Variants in OSBPL10 observed in about 807,000 individuals in gnomAD.
OSBPL10 encodes oxysterol-binding protein-related protein 10.
In OSBPL10, 49 loss-of-function variants were observed where a neutral mutation model predicts 81.7. That is an observed-to-expected ratio of 0.60 (90% CI 0.48 to 0.76). OSBPL10 has a LOEUF of 0.76. Among genes scored for constraint, OSBPL10 ranks in the 30% least tolerant of loss-of-function variants. The pLI, the probability that OSBPL10 is intolerant of heterozygous loss-of-function variation, is 0.00. For synonymous variants in OSBPL10, 419 were observed against 383.6 expected (o/e 1.09, Z -1.08); for missense variants, 923 against 987.8 (o/e 0.93, Z 0.88).
At chr3:32,042,881 C>G (rs370597618) in intron 2 of OSBPL10, among the ~76,000 whole-genome samples, 1 of 151,966 alleles carries the variant, frequency 6.6e-6, no homozygotes, top group East Asian at 1.9e-4. Context: ...GTCCAAAGAT[C>G]ACAAGGCAAA....
intron 1 of OSBPL10, among the ~76,000 whole-genome samples, chr3:32,053,099 G>A (rs370628092): frequency 6.6e-6 from 1 of 152,178 alleles, no homozygotes; most frequent in East Asian, 1.9e-4. Context: ...CTTCTGTCTG[G>A]TGTCCTAGGC....
chr3:31,841,056 G>A (rs1044080893), intron 3 of OSBPL10, among the ~76,000 whole-genome samples: 2 of 152,210 alleles, frequency 1.3e-5, no homozygotes, highest in African/African-American at 4.8e-5. Context: ...TTACAGGCAT[G>A]TGCCACCACG....
rs1014837894 is a variant in OSBPL10 at position 31,661,484 on chromosome 3, C to A, written c.*588G>T. ...TCTTTAACAGCTTCCTGCCAACCCC[C>A]ATCCAGCAGGAAATACTTGCTTATC... On this transcript the variant is annotated 3_prime_UTR_variant, in exon 12 of 12. Coordinates refer to ENST00000396556, the MANE Select transcript of OSBPL10 (RefSeq NM_017784.5). 1 of 152,372 alleles carries A rather than the reference C, an allele frequency of 6.6e-6. No individual in the cohort carries two copies. Among genetic ancestry groups the A allele is most frequent in the Non-Finnish European group, 1.5e-5 (1 of 68,068 alleles). The allele number at this position is 152,372 out of a possible 1,614,324, so 9.4% of individuals were successfully genotyped here.
chr3:31,981,297 G>A, upstream of OSBPL10: 1 of 1,283,406 alleles, frequency 7.8e-7, no homozygotes. This position sits in a 1 kb window ranked among gnomAD's most constrained non-coding sequence, Gnocchi z 4.5. Flanking sequence ...AAATCCCCGG[G>A]AAATGCCTGA....
intron 4 of OSBPL10, among the ~76,000 whole-genome samples, chr3:31,791,427 A>T (rs1236400652): frequency 6.6e-6 from 1 of 152,220 alleles, no homozygotes; most frequent in Non-Finnish European, 1.5e-5. Flanking sequence ...CATGAAATGG[A>T]AATCAGCGTG....
chr3:31,696,156 C>A (rs1695715191), intron 7 of OSBPL10, among the ~76,000 whole-genome samples: 1 of 151,820 alleles, frequency 6.6e-6, no homozygotes, highest in Non-Finnish European at 1.5e-5. Context: ...CTCTCTCTGC[C>A]TGCCCCCCTG....
intron 4 of OSBPL10, among the ~76,000 whole-genome samples, chr3:31,802,284 A>G (rs1236344908): frequency 2.0e-5 from 3 of 150,658 alleles, no homozygotes; most frequent in African/African-American, 4.9e-5. Context: ...GGGGCTGGGC[A>G]TGGTGACTCA....
chr3:31,785,789 A>G (rs1294157053), intron 4 of OSBPL10, among the ~76,000 whole-genome samples: 1 of 152,208 alleles, frequency 6.6e-6, no homozygotes, highest in East Asian at 1.9e-4. Context: ...TTGACAGACA[A>G]TAATCCCAAA....
chr3:31,825,611 C>T (rs1054109609), intron 4 of OSBPL10, among the ~76,000 whole-genome samples: 1 of 152,124 alleles, frequency 6.6e-6, no homozygotes, highest in African/African-American at 2.4e-5. Flanking sequence ...TTCACTGCAC[C>T]CAGCCCCATA....
chr3:31,871,990 C>T (rs1201491826), intron 3 of OSBPL10, among the ~76,000 whole-genome samples: 1 of 152,238 alleles, frequency 6.6e-6, no homozygotes. Context: ...TCTCTCTCAA[C>T]ACTTTCTCCA....
intron 2 of OSBPL10, among the ~76,000 whole-genome samples, chr3:32,035,832 G>T (rs778693270): frequency 5.9e-5 from 9 of 152,064 alleles, no homozygotes; most frequent in Admixed American, 1.3e-4. Context: ...CCATTTTTAA[G>T]TGTACAATTG....
chr3:31,924,616 T>A (rs1445617659), intron 1 of OSBPL10, among the ~76,000 whole-genome samples: 1 of 152,204 alleles, frequency 6.6e-6, no homozygotes, highest in Non-Finnish European at 1.5e-5. Flanking sequence ...GGAGTAAAGA[T>A]ATGAAAAATA....
intron 6 of OSBPL10, among the ~76,000 whole-genome samples, chr3:31,728,549 CCATA>C (rs1056033824): frequency 6.6e-6 from 1 of 152,078 alleles, no homozygotes; most frequent in African/African-American, 2.4e-5. Context: ...TCTGTAGATC[CCATA>C]CATACTATTC....
chr3:31,957,052 C>T lies in OSBPL10; in HGVS notation c.281+23847G>A, dbSNP rs13089759. Among the ~76,000 whole-genome samples, 340 of 152,210 alleles carry T rather than the reference C, an allele frequency of 2.2e-3. 2 individuals carry two copies. Among genetic ancestry groups the T allele is most frequent in the African/African-American group, 7.9e-3 (330 of 41,526 alleles). ...CAGGAAACTGAAGTGGGAGGATCAC[C>T]TGAGCCCGGGAGGCAGAGGGTGCAG... On this transcript the variant is annotated intron_variant, in intron 1 of 11. Transcript: ENST00000396556.
intron 7 of OSBPL10, among the ~76,000 whole-genome samples, chr3:31,686,869 C>G (rs1700804948): frequency 6.6e-6 from 1 of 152,154 alleles, no homozygotes; most frequent in South Asian, 2.1e-4. Flanking sequence ...TGGGGTCAGG[C>G]TGCTGTGTTC....
At chr3:32,038,452 G>A (rs1309486165) in intron 2 of OSBPL10, among the ~76,000 whole-genome samples, 1 of 152,158 alleles carries the variant, frequency 6.6e-6, no homozygotes, top group African/African-American at 2.4e-5. Context: ...CTCCGGAGTA[G>A]CTGGGATTAC....
rs1322617364 is a variant in OSBPL10, at chr3:32,061,559, C to G, written n.186-14956G>C. On this transcript the variant is annotated intron_variant and non_coding_transcript_variant, in intron 1 of 3. Transcript: ENST00000479173. ...AAGTCTTGCACACGGGTTGCTGGGT[C>G]TAGCAACTTCTTTTTTATTTTATTT... 5.3e-5 allele frequency among the ~76,000 whole-genome samples: 5 copies of G among 93,480 alleles called. 1 individual carries two copies. Among genetic ancestry groups the G allele is most frequent in the Admixed American group, 2.6e-4 (2 of 7,788 alleles). 61.3% of individuals were successfully genotyped at this position (93,480 alleles called of 152,430 possible). A position where few individuals can be genotyped will look rare whatever the true frequency, so the allele number is the denominator to read the frequency against.
At chr3:31,795,390 C>T (rs1024631285) in intron 4 of OSBPL10, 3 of 156,028 alleles carry the variant, frequency 1.9e-5, no homozygotes, top group Admixed American at 6.5e-5. Context: ...GGTGATCCGC[C>T]CACCTCAGCC....
chr3:31,840,158 A>T (rs1005179849), intron 3 of OSBPL10, among the ~76,000 whole-genome samples: 1 of 152,208 alleles, frequency 6.6e-6, no homozygotes, highest in African/African-American at 2.4e-5. Context: ...GTGCTGAGGA[A>T]TTCTATAAAT....
Sources: allele counts gnomAD v4.1 joint callset (sites outside exome capture counted in the v4.1 genomes callset), GRCh38; gene constraint gnomAD v4.1.1; non-coding constraint Gnocchi (gnomAD v3.1); transcripts MANE v1.5; gene names NCBI Gene and HGNC (gene_info 2026-07-23, HGNC 2026-07-21).